The following KLF12 variants were observed in gnomAD, a reference collection of about 807,000 sequenced individuals.
The protein encoded by KLF12 is KLF transcription factor 12.
In KLF12, 9 loss-of-function variants were observed where a neutral mutation model predicts 37.8. That is an observed-to-expected ratio of 0.24 (90% CI 0.14 to 0.42). The LOEUF is 0.42. Among genes scored for constraint, KLF12 ranks in the 10% least tolerant of loss-of-function variants. KLF12 has a pLI of 1.00. For synonymous variants in KLF12, 208 were observed against 202.1 expected (o/e 1.03, Z -0.25); for missense variants, 411 against 516.0 (o/e 0.80, Z 1.97).
At chr13:74,137,063 T>C (rs970276573), upstream of KLF12, among the ~76,000 whole-genome samples, 5 of 152,362 alleles carry the variant, frequency 3.3e-5, no homozygotes, top group East Asian at 9.6e-4. Flanking sequence ...CTAGTTCATG[T>C]AATTCTATCT....
intron 1 of KLF12, among the ~76,000 whole-genome samples, chr13:74,015,816 G>A (rs560819432): frequency 6.6e-6 from 1 of 152,020 alleles, no homozygotes; most frequent in Admixed American, 6.6e-5. Context: ...GCTTTCATTG[G>A]ACTCTCTTCT....
chr13:73,820,960 T>A (rs540175086), intron 4 of KLF12, among the ~76,000 whole-genome samples: 1 of 152,338 alleles, frequency 6.6e-6, no homozygotes, highest in South Asian at 2.1e-4. Context: ...GTAATTAAAG[T>A]TTTATTCAGC....
At chr13:73,941,605 G>A (rs575785697) in intron 3 of KLF12, among the ~76,000 whole-genome samples, 5 of 152,032 alleles carry the variant, frequency 3.3e-5, no homozygotes, top group Admixed American at 6.6e-5. Context: ...AACACCCAAC[G>A]CATCTTCTCA....
Position 73,835,680 on chromosome 13 carries a change from G to A in KLF12, c.670+10147C>T, listed in dbSNP as rs79949182. On this transcript the variant is annotated intron_variant, in intron 4 of 7. Coordinates refer to ENST00000377669, the MANE Select transcript of KLF12 (RefSeq NM_007249.5). ...GGACAGGAACCACAGTAAGAAATAC[G>A]TATTTCAGCATGACTAGTATATATA... Among the ~76,000 whole-genome samples the A allele has an allele frequency of 4.5e-3, 686 of 152,196 alleles. 5 individuals carry two copies. The highest frequency in any genetic ancestry group is 0.014 in the East Asian group (72 of 5,178).
the KLF12 span, among the ~76,000 whole-genome samples, chr13:74,190,264 G>C: frequency 6.6e-6 from 1 of 152,090 alleles, no homozygotes. Flanking sequence ...TCTAATAGGT[G>C]AAAAACACTA....
chr13:73,726,619 T>C (rs1326366065), intron 6 of KLF12, among the ~76,000 whole-genome samples: 2 of 152,264 alleles, frequency 1.3e-5, no homozygotes, highest in Non-Finnish European at 2.9e-5. Flanking sequence ...TTCACTCATT[T>C]TATAGTCAAA....
chr13:74,256,282 A>G, the KLF12 span, among the ~76,000 whole-genome samples: 7 of 152,266 alleles, frequency 4.6e-5, no homozygotes, highest in Non-Finnish European at 1.0e-4. Flanking sequence ...AACAACACAA[A>G]CAGAACAAAA....
chr13:74,241,410 C>G, the KLF12 span, among the ~76,000 whole-genome samples: 1 of 152,300 alleles, frequency 6.6e-6, no homozygotes, highest in East Asian at 1.9e-4. Flanking sequence ...TGTCTGTGCC[C>G]TGCCCCCAGA....
intron 1 of KLF12, among the ~76,000 whole-genome samples, chr13:74,114,624 T>G (rs1162196814): frequency 1.3e-5 from 2 of 152,126 alleles, no homozygotes; most frequent in African/African-American, 4.8e-5. Flanking sequence ...AAAATATCTT[T>G]AATAATATTT....
chr13:74,050,348 A>C (rs985064731), intron 1 of KLF12, among the ~76,000 whole-genome samples: 11 of 152,188 alleles, frequency 7.2e-5, no homozygotes, highest in Non-Finnish European at 1.5e-4. Flanking sequence ...ATTTGAAAAA[A>C]TTCACCTCTC....
the KLF12 span, among the ~76,000 whole-genome samples, chr13:74,183,585 A>G: frequency 6.6e-6 from 1 of 151,854 alleles, no homozygotes; most frequent in Admixed American, 6.5e-5. Flanking sequence ...CTGCTTCAGG[A>G]TAATTTTGTA....
At chr13:73,986,921 C>A (rs536067116) in intron 2 of KLF12, among the ~76,000 whole-genome samples, 1 of 151,970 alleles carries the variant, frequency 6.6e-6, no homozygotes, top group Admixed American at 6.5e-5. Context: ...ACCACCAGAA[C>A]TGTAAGATAA....
At chr13:73,987,436 G>A (rs1473766961) in intron 2 of KLF12, among the ~76,000 whole-genome samples, 2 of 151,988 alleles carry the variant, frequency 1.3e-5, no homozygotes, top group African/African-American at 2.4e-5. Context: ...ATATTTGAAA[G>A]ACACTTGTAT....
intron 7 of KLF12, among the ~76,000 whole-genome samples, chr13:73,714,227 G>A (rs1875619366): frequency 6.6e-6 from 1 of 152,184 alleles, no homozygotes; most frequent in Non-Finnish European, 1.5e-5. Context: ...AGGACCACTT[G>A]AGCCCAGGAG....
At chr13:73,908,031 T>C (rs986593786) in intron 3 of KLF12, among the ~76,000 whole-genome samples, 1 of 152,192 alleles carries the variant, frequency 6.6e-6, no homozygotes, top group Non-Finnish European at 1.5e-5. Context: ...ATTAACTGCC[T>C]GACTTAGTCT....
At chr13:73,899,233 G>GAA (rs2139072661) in intron 3 of KLF12, among the ~76,000 whole-genome samples, 1 of 152,276 alleles carries the variant, frequency 6.6e-6, no homozygotes, top group South Asian at 2.1e-4. Flanking sequence ...ATCTATATGG[G>GAA]AAACACCACA....
the KLF12 span, among the ~76,000 whole-genome samples, chr13:74,283,244 G>T: frequency 2.4e-4 from 36 of 152,198 alleles, no homozygotes; most frequent in South Asian, 4.1e-4. Flanking sequence ...TTTAATACTT[G>T]CTATATATTT....
intron 6 of KLF12, among the ~76,000 whole-genome samples, chr13:73,742,033 GC>G (rs1878033685): frequency 6.7e-6 from 1 of 148,886 alleles, no homozygotes; most frequent in Non-Finnish European, 1.5e-5. Flanking sequence ...GGCTGAAAAA[GC>G]CTACGGATAT....
intron 3 of KLF12, among the ~76,000 whole-genome samples, chr13:73,882,163 G>T (rs1887013404): frequency 6.6e-6 from 1 of 152,176 alleles, no homozygotes; most frequent in Admixed American, 6.5e-5. Flanking sequence ...GGGCTTCTCT[G>T]ATTTAAGCTG....
Sources: allele counts gnomAD v4.1 joint callset (sites outside exome capture counted in the v4.1 genomes callset), GRCh38; gene constraint gnomAD v4.1.1; transcripts MANE v1.5; gene names NCBI Gene and HGNC (gene_info 2026-07-23, HGNC 2026-07-21).